The following SLC29A2 variants were observed in gnomAD, a reference collection of about 807,000 sequenced individuals.
SLC29A2 encodes solute carrier family 29 member 2.
SLC29A2 carries 37 observed loss-of-function variants against 48.8 expected under a neutral mutation model. That is an observed-to-expected ratio of 0.76 (90% CI 0.58 to 1.00). The LOEUF (loss-of-function observed/expected upper bound fraction) is 1.00, where lower values mean the gene tolerates loss of function less well. Among genes scored for constraint, SLC29A2 ranks in the 50% least tolerant of loss-of-function variants. The pLI is 0.00. For missense variants in SLC29A2, 533 were observed against 578.6 expected (o/e 0.92, Z 0.81); for synonymous variants, 233 against 261.7 (o/e 0.89, Z 1.06).
intron 10 of SLC29A2, chr11:66,364,828 T>TTGTG (rs55776036): frequency 0.53 from 86,409 of 161,792 alleles, 24,994 homozygotes; most frequent in South Asian, 0.76. Context: ...CATTAAAAAT[T>TTGTG]TGTGTGTGTG....
chr11:66,368,757 G>C, intron 4 of SLC29A2, 86 bp from the exon 5 acceptor site: 1 of 1,530,224 alleles, frequency 6.5e-7, no homozygotes, highest in Non-Finnish European at 8.9e-7. Flanking sequence ...ATACACAGGG[G>C]ACTCTGGACA....
chr11:66,364,183 C>T (rs200115936), intron 11 of SLC29A2, 42 bp downstream of exon 11: 2 of 1,494,760 alleles, frequency 1.3e-6, no homozygotes, highest in African/African-American at 1.4e-5. Context: ...CTGAACCCAC[C>T]TCCCTACTCC....
At chr11:66,370,647 G>T (rs995459679) in intron 2 of SLC29A2, among the ~76,000 whole-genome samples, 1 of 152,138 alleles carries the variant, frequency 6.6e-6, no homozygotes, top group East Asian at 1.9e-4. Flanking sequence ...CACGAGGTCA[G>T]GAGATCGAGA....
At chr11:66,367,434 C>T in intron 7 of SLC29A2, 30 bp downstream of exon 7, 1 of 1,601,078 alleles carries the variant, frequency 6.2e-7, no homozygotes, top group Non-Finnish European at 8.6e-7. Context: ...TCTGCATCTC[C>T]CACCTCCCCA....
intron 2 of SLC29A2, among the ~76,000 whole-genome samples, chr11:66,370,858 CAAAAAAAAAAAAA>C (rs35962792): frequency 1.1e-5 from 1 of 92,248 alleles, no homozygotes; most frequent in Admixed American, 1.2e-4. Context: ...GACTCTGTCT[CAAAAAAAAAAAAA>C]AAAAAAAAGT....
chr11:66,370,961 G>A (rs1157201069), intron 2 of SLC29A2, among the ~76,000 whole-genome samples: 4 of 152,068 alleles, frequency 2.6e-5, no homozygotes, highest in Non-Finnish European at 5.9e-5. Flanking sequence ...CTTTTGGGGT[G>A]ACTGACTCAG....
At chr11:66,367,588 C>T (rs772128386) in intron 6 of SLC29A2, 40 bp from the exon 7 acceptor site, 3 of 1,603,440 alleles carry the variant, frequency 1.9e-6, no homozygotes, top group Admixed American at 3.3e-5. Context: ...GCCTGGCTTG[C>T]CTGAGGTGTC....
At chr11:66,366,716 G>A (rs1318087942) in intron 7 of SLC29A2, 152 bp from the exon 8 acceptor site, 8 of 815,582 alleles carry the variant, frequency 9.8e-6, no homozygotes, top group East Asian at 2.7e-5. Context: ...TTGGAAGGCC[G>A]AGGCGGGCAT....
At position 66,369,044 on chromosome 11, in the gene SLC29A2, G is replaced by T. The variant is rs760958833; in HGVS notation, c.415+16C>A. The stretch of plus-strand genomic sequence containing the variant: ...GCCCTGCATAGGCTGGCTGGAGAGG[G>T]GGTGGAGGTGCTCACAGTTGATGAA... On this transcript the variant is annotated intron_variant, in intron 4 of 11. Coordinates refer to ENST00000357440, the MANE Select transcript of SLC29A2 (RefSeq NM_001532.3). 3.1e-6 allele frequency: 5 copies of T among 1,594,988 alleles called. No homozygotes were observed. The highest frequency in any genetic ancestry group is 1.3e-5 in the African/African-American group (1 of 74,490).
rs1297289740 is a variant in SLC29A2 at position 66,366,023 on chromosome 11, T to A, written c.974-2A>T. On this transcript the variant is annotated splice_acceptor_variant, in intron 9 of 11. Coordinates refer to ENST00000357440, the MANE Select transcript of SLC29A2 (RefSeq NM_001532.3). LOFTEE classifies it high-confidence loss of function. ...AGCAGATGGGGTTGAAGAACTGACC[T>A]GGGAGGGAAACGGCTGCAGCTCATA... 1 of 1,614,070 alleles carries A rather than the reference T, an allele frequency of 6.2e-7. No homozygotes were observed. Among genetic ancestry groups the A allele is most frequent in the Non-Finnish European group, 8.5e-7 (1 of 1,179,936 alleles).
At chr11:66,369,740 C>G (rs942906348) in intron 2 of SLC29A2, among the ~76,000 whole-genome samples, 1 of 152,258 alleles carries the variant, frequency 6.6e-6, no homozygotes, top group East Asian at 1.9e-4. Context: ...GCATTAAGAG[C>G]CCCCAGCAAG....
chr11:66,371,489 T>G, intron 1 of SLC29A2, 74 bp downstream of exon 1: 1 of 1,527,118 alleles, frequency 6.5e-7, no homozygotes. Context: ...CGGTCTTCTC[T>G]GAGCCTCGGA....
At chr11:66,367,911 CG>C (rs764714913) in intron 5 of SLC29A2, 42 bp from the exon 6 acceptor site, 50 of 1,544,468 alleles carry the variant, frequency 3.2e-5, no homozygotes, top group Admixed American at 1.4e-4. Flanking sequence ...CACCTGGTCC[CG>C]CCGGCTCCCA....
intron 3 of SLC29A2, 65 bp downstream of exon 3, chr11:66,369,304 C>T: frequency 1.6e-5 from 26 of 1,604,688 alleles, no homozygotes; most frequent in South Asian, 4.4e-5. Flanking sequence ...GGGCAGGGGG[C>T]GCAGGGGAGG....
chr11:66,367,799 G>T lies in SLC29A2; in HGVS notation c.621C>A (p.Ile207=), dbSNP rs546606972. 6.2e-7 allele frequency: 1 copy of T among 1,614,068 alleles called. No homozygotes were observed. Among genetic ancestry groups the T allele is most frequent in the Non-Finnish European group, 8.5e-7 (1 of 1,180,012 alleles). ...GGTGAGGCAGGCTCAGGTAACACAC[G>T]ATGGACATGAGGATGCCCACACAGG... ...ITPCVGILMS[I]VCYLSLPHLK... The change falls in exon 6 of 12, where the codon ATC becomes ATA. Residue 207 remains isoleucine (I), a synonymous_variant. Coordinates refer to ENST00000357440, the MANE Select transcript of SLC29A2 (RefSeq NM_001532.3).
At chr11:66,367,224 G>A (rs931671666) in intron 7 of SLC29A2, among the ~76,000 whole-genome samples, 10 of 152,228 alleles carry the variant, frequency 6.6e-5, no homozygotes, top group Middle Eastern at 3.4e-3. Flanking sequence ...AGAGGTCTTC[G>A]GATCCAAAGT....
chr11:66,363,074 C>A lies in SLC29A2; in HGVS notation c.*362G>T. 3.0e-6 allele frequency: 1 copy of A among 329,412 alleles called. No individual in the cohort carries two copies. The highest frequency in any genetic ancestry group is 5.9e-6 in the Non-Finnish European group (1 of 168,636). The allele number at this position is 329,412 out of a possible 1,614,324, so 20.4% of individuals were successfully genotyped here. ...ATGAGGCGCTCCTGGCCTGGGCTGG[C>A]CCCGCCTCCCACTCTGAACCCTCTG... On this transcript the variant is annotated 3_prime_UTR_variant, in exon 12 of 12. Transcript: ENST00000357440.
intron 10 of SLC29A2, among the ~76,000 whole-genome samples, chr11:66,365,361 AG>A (rs1471742422): frequency 5.3e-5 from 8 of 152,176 alleles, no homozygotes; most frequent in Non-Finnish European, 1.5e-5. Flanking sequence ...CCCAGAAATC[AG>A]GGACTGGCCT....
chr11:66,366,331 C>T, intron 8 of SLC29A2, 100 bp from the exon 9 acceptor site: 1 of 1,605,940 alleles, frequency 6.2e-7, no homozygotes, highest in South Asian at 1.1e-5. Flanking sequence ...GGGCCTGGCC[C>T]AGCTGTGTCC....
Sources: allele counts gnomAD v4.1 joint callset (sites outside exome capture counted in the v4.1 genomes callset), GRCh38; gene constraint gnomAD v4.1.1; transcripts MANE v1.5; gene names NCBI Gene and HGNC (gene_info 2026-07-23, HGNC 2026-07-21).